The following SMPDL3A variants were observed in gnomAD, a reference collection of about 807,000 sequenced individuals.
SMPDL3A encodes the protein cyclic GMP-AMP phosphodiesterase SMPDL3A.
SMPDL3A carries 39 observed loss-of-function variants against 38.5 expected under a neutral mutation model. The observed-to-expected ratio is 1.01, with a 90% CI of 0.78 to 1.32. The LOEUF is 1.32. Ranked by LOEUF, SMPDL3A falls within the 40% of genes most tolerant of loss-of-function variation. The pLI is 0.00. For missense variants in SMPDL3A, 502 were observed against 536.2 expected (o/e 0.94, Z 0.63); for synonymous variants, 180 against 194.3 (o/e 0.93, Z 0.61).
At chr6:122,807,374 C>CT (rs1415729701) in intron 7 of SMPDL3A, among the ~76,000 whole-genome samples, 5 of 152,180 alleles carry the variant, frequency 3.3e-5, no homozygotes, top group Admixed American at 2.0e-4. Context: ...CGGCGGGTGC[C>CT]TGTAGTCCCA....
intron 1 of SMPDL3A, 95 bp downstream of exon 1, chr6:122,789,553 C>T (rs931527077): frequency 1.7e-6 from 2 of 1,149,384 alleles, no homozygotes; most frequent in Admixed American, 2.2e-5. Flanking sequence ...GGGCAGCTGC[C>T]CCCGGCAGAG....
chr6:122,805,123 T>C, intron 6 of SMPDL3A, 34 bp downstream of exon 6: 1 of 1,534,256 alleles, frequency 6.5e-7, no homozygotes, highest in Non-Finnish European at 8.8e-7. Flanking sequence ...CTCCCCAGTC[T>C]AAGAGTCTAG....
chr6:122,800,401 CTT>C (rs907906386), intron 3 of SMPDL3A, among the ~76,000 whole-genome samples: 5 of 152,182 alleles, frequency 3.3e-5, no homozygotes, highest in Admixed American at 6.5e-5. Context: ...GTTCAGAAGA[CTT>C]TGTTAAATTC....
At chr6:122,801,761 C>G (rs1781435711) in intron 4 of SMPDL3A, among the ~76,000 whole-genome samples, 1 of 152,184 alleles carries the variant, frequency 6.6e-6, no homozygotes, top group South Asian at 2.1e-4. Context: ...CCAAGCAGCA[C>G]AATTTTATAA....
Position 122,805,037 on chromosome 6 carries a change from A to G in SMPDL3A, c.867A>G (p.Gln289=). The part of the protein sequence containing the change: ...FQKYSDVIAG[Q]FYGHTHRDSI... ...AATACAGTGATGTCATTGCAGGACA[A>G]TTTTATGGACACACTCACAGAGACA... Residue 289 remains glutamine, a synonymous_variant, in exon 6 of 8, where the codon CAA becomes CAG. Coordinates refer to ENST00000368440, the MANE Select transcript of SMPDL3A (RefSeq NM_006714.5). The G allele has an allele frequency of 1.2e-6, 2 of 1,613,204 alleles. No homozygotes were observed. Among genetic ancestry groups the G allele is most frequent in the Non-Finnish European group, 1.7e-6 (2 of 1,179,778 alleles).
chr6:122,795,636 A>G, intron 1 of SMPDL3A, 41 bp from the exon 2 acceptor site: 1 of 1,449,760 alleles, frequency 6.9e-7, no homozygotes, highest in Non-Finnish European at 9.6e-7. Flanking sequence ...ATTCCAAAAG[A>G]GAACAAGTAG....
rs1781740829 is a variant in SMPDL3A at position 122,808,648 on chromosome 6, C to CT, written c.1045-442dup. Among the ~76,000 whole-genome samples, 4 of 52,422 alleles carry CT rather than the reference C, an allele frequency of 7.6e-5. No individual in the cohort carries two copies. In the South Asian group the frequency reaches 4.2e-3, roughly 55 times the overall value. The allele number at this position is 52,422 out of a possible 152,430, so 34.4% of individuals were successfully genotyped here. A position where few individuals can be genotyped will look rare whatever the true frequency, so the allele number is the denominator to read the frequency against. On this transcript the variant is annotated intron_variant, in intron 7 of 7. Transcript: ENST00000368440. ...CTTCCTTCCTTCCTTCCTTCCCCCC[C>CT]TCCTCCCCCCTCCCTCCCTCTCCTT...
chr6:122,801,277 A>G (rs1296272846), intron 3 of SMPDL3A, 33 bp from the exon 4 acceptor site: 1 of 1,493,370 alleles, frequency 6.7e-7, no homozygotes, highest in East Asian at 2.3e-5. Context: ...GTATCTTTAA[A>G]TTTCAATGGT....
intron 3 of SMPDL3A, among the ~76,000 whole-genome samples, chr6:122,800,304 G>A (rs980977154): frequency 1.3e-5 from 2 of 152,148 alleles, no homozygotes; most frequent in African/African-American, 4.8e-5. Context: ...TATAATTTAT[G>A]CTGCCCTAAA....
intron 5 of SMPDL3A, among the ~76,000 whole-genome samples, chr6:122,804,144 C>T (rs1781523151): frequency 6.6e-6 from 1 of 151,614 alleles, no homozygotes; most frequent in African/African-American, 2.4e-5. Context: ...CCCACCACCA[C>T]GCCTGGCTAA....
rs151029306 is a variant in SMPDL3A at position 122,805,018 on chromosome 6, G to A, written c.848G>A (p.Ser283Asn). The A allele has an allele frequency of 2.0e-4, 322 of 1,613,256 alleles. 1 individual carries two copies. The highest frequency in any genetic ancestry group is 2.5e-4 in the Non-Finnish European group (295 of 1,179,818). ...TTGATAGATATTTTTCAAAAATACA[G>A]TGATGTCATTGCAGGACAATTTTAT... The part of the protein sequence containing the change: ...EKLIDIFQKY[S>N]DVIAGQFYGH... Residue 283 changes from serine (S) to asparagine (N), a missense_variant, in exon 6 of 8, where the codon AGT becomes AAT. Ser to Asn is a conservative substitution (Grantham distance 46, BLOSUM62 1). Coordinates refer to ENST00000368440, the MANE Select transcript of SMPDL3A (RefSeq NM_006714.5).
intron 6 of SMPDL3A, 47 bp downstream of exon 6, chr6:122,805,136 C>T: frequency 1.4e-6 from 2 of 1,443,074 alleles, no homozygotes; most frequent in Non-Finnish European, 1.9e-6. Context: ...GAGTCTAGAG[C>T]AAAGCGGTGA....
At chr6:122,790,286 A>C (rs917179509) in intron 1 of SMPDL3A, among the ~76,000 whole-genome samples, 1 of 152,198 alleles carries the variant, frequency 6.6e-6, no homozygotes, top group Non-Finnish European at 1.5e-5. Context: ...CACCCTCCGC[A>C]TGATTCCTTT....
intron 1 of SMPDL3A, 63 bp downstream of exon 1, chr6:122,789,521 C>A: frequency 1.4e-6 from 2 of 1,395,502 alleles, no homozygotes; most frequent in Non-Finnish European, 2.0e-6. Context: ...GGCGCCTGCG[C>A]ACAGCAGGAG....
rs117614515 is a variant in SMPDL3A at position 122,789,306 on chromosome 6, G to C, written c.-41G>C. ...CAGGCCTGACGGTCCGAGTGGAGCT[G>C]CGGGACAGCCCGAACCTCCAGGTCA... On this transcript the variant is annotated 5_prime_UTR_variant, in exon 1 of 8. Coordinates refer to ENST00000368440, the MANE Select transcript of SMPDL3A (RefSeq NM_006714.5). The C allele has an allele frequency of 0.027, 37,960 of 1,425,518 alleles. 555 individuals carry two copies. The highest frequency in any genetic ancestry group is 0.032 in the Middle Eastern group (176 of 5,520). 88.3% of individuals were successfully genotyped at this position (1,425,518 alleles called of 1,614,324 possible). A position where few individuals can be genotyped will look rare whatever the true frequency, so the allele number is the denominator to read the frequency against.
At chr6:122,805,272 A>C (rs1222370801) in intron 6 of SMPDL3A, among the ~76,000 whole-genome samples, 183 bp downstream of exon 6, 5 of 152,238 alleles carry the variant, frequency 3.3e-5, no homozygotes, top group Admixed American at 3.3e-4. Context: ...TTAGGCCTGC[A>C]GCTGGATTTC....
At chr6:122,804,212 T>G (rs1027028723) in intron 5 of SMPDL3A, among the ~76,000 whole-genome samples, 1 of 152,080 alleles carries the variant, frequency 6.6e-6, no homozygotes, top group Non-Finnish European at 1.5e-5. Context: ...GGTCTTGAAC[T>G]ACTGACCTAG....
intron 2 of SMPDL3A, among the ~76,000 whole-genome samples, 179 bp downstream of exon 2, chr6:122,796,069 T>C (rs2115164029): frequency 6.6e-6 from 1 of 152,286 alleles, no homozygotes; most frequent in Admixed American, 6.5e-5. Flanking sequence ...AGAAGTGTTT[T>C]TTTTTGGAAT....
intron 1 of SMPDL3A, among the ~76,000 whole-genome samples, chr6:122,792,317 G>A (rs1486822621): frequency 1.3e-5 from 2 of 152,172 alleles, no homozygotes; most frequent in South Asian, 2.1e-4. Context: ...CTAGAAGTCT[G>A]GAGAGACTGG....
Sources: allele counts gnomAD v4.1 joint callset (sites outside exome capture counted in the v4.1 genomes callset), GRCh38; gene constraint gnomAD v4.1.1; transcripts MANE v1.5; gene names NCBI Gene and HGNC (gene_info 2026-07-23, HGNC 2026-07-21).